Variants in PODXL2 observed in about 807,000 individuals in gnomAD.
PODXL2 encodes podocalyxin-like protein 2.
In PODXL2, 17 loss-of-function variants were observed where a neutral mutation model predicts 53.4. That is an observed-to-expected ratio of 0.32 (90% CI 0.22 to 0.48). PODXL2 has a LOEUF of 0.48. PODXL2 is among the 20% of genes least tolerant of loss of function. PODXL2 has a pLI of 0.99. For missense variants in PODXL2, 673 were observed against 760.0 expected, an observed-to-expected ratio of 0.89 and a Z score of 1.35; for synonymous variants, 311 against 306.7, an observed-to-expected ratio of 1.01 and a Z score of -0.15.
At chr3:127,632,579 A>G (rs2074553881) in intron 1 of PODXL2, among the ~76,000 whole-genome samples, 1 of 152,192 alleles carries the variant, frequency 6.6e-6, no homozygotes, top group Non-Finnish European at 1.5e-5. Context: ...AACATTTTCC[A>G]TCAGTTGACT....
chr3:127,637,358 A>G (rs763642926), intron 1 of PODXL2, among the ~76,000 whole-genome samples: 4 of 152,200 alleles, frequency 2.6e-5, no homozygotes, highest in African/African-American at 4.8e-5. Context: ...TGAAGATACC[A>G]TGGTCTCTTT....
rs747331593 is a variant in PODXL2 at position 127,660,781 on chromosome 3, T to C, written c.753T>C (p.Thr251=). The C allele has an allele frequency of 2.5e-6, 4 of 1,613,904 alleles. No homozygotes were observed. The highest frequency in any genetic ancestry group is 3.4e-6 in the Non-Finnish European group (4 of 1,179,980). Residue 251 remains threonine, a synonymous_variant, in exon 3 of 8, where the codon ACT becomes ACC. Coordinates refer to ENST00000342480, the MANE Select transcript of PODXL2 (RefSeq NM_015720.4). The part of the protein sequence containing the change: ...PSLLLPSVTP[T]TVTPGDQDST... Reference sequence around the variant, plus strand: ...TGCTGCTGCCTTCAGTCACCCCAACTACAGTGACTCCGGGGGACCAGGACT... The same window carrying C: ...TGCTGCTGCCTTCAGTCACCCCAACCACAGTGACTCCGGGGGACCAGGACT...
intron 2 of PODXL2, among the ~76,000 whole-genome samples, chr3:127,653,514 C>T (rs745957127): frequency 6.6e-6 from 1 of 152,094 alleles, no homozygotes; most frequent in African/African-American, 2.4e-5. Flanking sequence ...GGCGTGGTGG[C>T]GTGTGCCTAT....
intron 2 of PODXL2, among the ~76,000 whole-genome samples, chr3:127,648,494 T>C (rs1314182222): frequency 6.6e-6 from 1 of 152,236 alleles, no homozygotes; most frequent in Non-Finnish European, 1.5e-5. Context: ...GTCATTCTTG[T>C]TCTGTGCTAG....
intron 4 of PODXL2, among the ~76,000 whole-genome samples, chr3:127,664,946 T>C (rs2107544456): frequency 6.6e-6 from 1 of 152,328 alleles, no homozygotes; most frequent in Middle Eastern, 3.4e-3. Flanking sequence ...TCAAACCATT[T>C]GAGAAAAAGT....
intron 1 of PODXL2, among the ~76,000 whole-genome samples, chr3:127,635,894 C>T (rs887321714): frequency 6.6e-6 from 1 of 152,232 alleles, no homozygotes; most frequent in African/African-American, 2.4e-5. Flanking sequence ...CTGTTTATCA[C>T]CTTTGCTGGT....
Position 127,672,420 on chromosome 3 carries a change from C to G in PODXL2, c.1758C>G (p.Leu586=), listed in dbSNP as rs1286273472. ...ALNGPGSWGA[L]MGGKRDPEDS... Reference sequence around the variant, plus strand: ...ACGGCCCGGGGAGCTGGGGGGCGCTCATGGGGGGCAAGCGGGACCCCGAGG... The same window carrying G: ...ACGGCCCGGGGAGCTGGGGGGCGCTGATGGGGGGCAAGCGGGACCCCGAGG... The change falls in exon 8 of 8, where the codon CTC becomes CTG. Residue 586 remains leucine, a synonymous_variant. Coordinates refer to ENST00000342480, the MANE Select transcript of PODXL2 (RefSeq NM_015720.4). 16 of 1,541,838 alleles carry G rather than the reference C, an allele frequency of 1.0e-5. No individual in the cohort carries two copies. Among genetic ancestry groups the G allele is most frequent in the Non-Finnish European group, 1.3e-5 (15 of 1,145,468 alleles).
intron 2 of PODXL2, among the ~76,000 whole-genome samples, chr3:127,654,064 G>A (rs2074706083): frequency 6.6e-6 from 1 of 152,034 alleles, no homozygotes; most frequent in Non-Finnish European, 1.5e-5. Flanking sequence ...GTCTTTTATA[G>A]CAAAAGAAAA....
At chr3:127,653,394 C>T (rs974149076) in intron 2 of PODXL2, among the ~76,000 whole-genome samples, 1 of 152,206 alleles carries the variant, frequency 6.6e-6, no homozygotes, top group Admixed American at 6.5e-5. Context: ...CTCCTGTAAG[C>T]CCAGTACTTT....
At chr3:127,668,707 C>A in intron 5 of PODXL2, 110 bp downstream of exon 5, 1 of 1,093,078 alleles carries the variant, frequency 9.1e-7, no homozygotes, top group Non-Finnish European at 1.3e-6. Context: ...CTTGGAACTC[C>A]AGGACAGTAG....
At chr3:127,646,601 T>A (rs1410370136) in intron 2 of PODXL2, among the ~76,000 whole-genome samples, 1 of 152,176 alleles carries the variant, frequency 6.6e-6, no homozygotes, top group Non-Finnish European at 1.5e-5. Flanking sequence ...TTGGCCAGGA[T>A]GGTCTCAAAC....
At chr3:127,663,573 A>G (rs1280011222) in intron 4 of PODXL2, among the ~76,000 whole-genome samples, 5 of 152,164 alleles carry the variant, frequency 3.3e-5, no homozygotes, top group Admixed American at 2.0e-4. Flanking sequence ...CACCTAAGTG[A>G]TGTGTGTTTT....
chr3:127,645,028 A>G (rs2074644394), intron 2 of PODXL2, among the ~76,000 whole-genome samples: 1 of 152,226 alleles, frequency 6.6e-6, no homozygotes, highest in African/African-American at 2.4e-5. Context: ...TTCTTCTCAA[A>G]CAAACTAGCA....
At chr3:127,671,710 G>C in intron 7 of PODXL2, 97 bp downstream of exon 7, 8 of 1,197,958 alleles carry the variant, frequency 6.7e-6, no homozygotes, top group Non-Finnish European at 9.7e-6. Flanking sequence ...ACTCTCCTGG[G>C]CGCACAGGGT....
chr3:127,669,149 C>T lies in PODXL2; in HGVS notation c.1372C>T (p.Pro458Ser). The change falls in exon 6 of 8, where the codon CCC becomes TCC. Residue 458 changes from proline (P) to serine (S), a missense_variant. Around this residue, in one of 3 missense-constraint regions of PODXL2, gnomAD observed 588 missense variants for 668.3 expected, o/e 0.88. Coordinates refer to ENST00000342480, the MANE Select transcript of PODXL2 (RefSeq NM_015720.4). Reference protein sequence around the residue: ...MTLVGEQGVVPTQDVLSMLGD... With the variant: ...MTLVGEQGVVSTQDVLSMLGD... ...TGTTTCTTACCCCCCAGGGGTGGTG[C>T]CCACTCAAGATGTCCTTTCCATGCT... The T allele has an allele frequency of 6.2e-7, 1 of 1,603,846 alleles. No homozygotes were observed. The highest frequency in any genetic ancestry group is 8.5e-7 in the Non-Finnish European group (1 of 1,175,286).
intron 1 of PODXL2, among the ~76,000 whole-genome samples, chr3:127,636,786 C>G (rs2074580805): frequency 2.6e-5 from 4 of 152,220 alleles, no homozygotes; most frequent in African/African-American, 9.6e-5. Flanking sequence ...TGGCTCCCAC[C>G]TGCCCAGGGT....
Position 127,639,235 on chromosome 3 carries a change from G to T in PODXL2, c.71-10G>T, listed in dbSNP as rs1293408785. On this transcript the variant is annotated splice_polypyrimidine_tract_variant and intron_variant, in intron 1 of 7. Coordinates refer to ENST00000342480, the MANE Select transcript of PODXL2 (RefSeq NM_015720.4). ...CCTCCCCTGACTGTCTGGCTTTTAT[G>T]TCTGCACAGGAGCGTTCCTGGGTGC... 6.3e-7 allele frequency: 1 copy of T among 1,579,444 alleles called. No homozygotes were observed. The highest frequency in any genetic ancestry group is 1.2e-5 in the South Asian group (1 of 86,078).
chr3:127,642,432 A>C (rs2074627291), intron 2 of PODXL2, among the ~76,000 whole-genome samples: 1 of 152,078 alleles, frequency 6.6e-6, no homozygotes, highest in Admixed American at 6.5e-5. Flanking sequence ...TGAACTACCA[A>C]AGGACTCACA....
intron 7 of PODXL2, 78 bp from the exon 8 acceptor site, chr3:127,672,190 G>C: frequency 3.2e-6 from 4 of 1,239,250 alleles, no homozygotes; most frequent in Middle Eastern, 5.2e-4. Flanking sequence ...CCTGGGTGGG[G>C]TTGCACAGAC....
Sources: allele counts gnomAD v4.1 joint callset (sites outside exome capture counted in the v4.1 genomes callset), GRCh38; gene constraint gnomAD v4.1.1; regional missense constraint gnomAD v4.1.1; transcripts MANE v1.5; gene names NCBI Gene and HGNC (gene_info 2026-07-23, HGNC 2026-07-21).